CTNNAL1: variants seen among roughly 807,000 people sequenced by gnomAD.
CTNNAL1 encodes alpha-catulin.
A neutral mutation model predicts 93.6 loss-of-function variants in CTNNAL1; 69 were observed. That is an observed-to-expected ratio of 0.74 (90% confidence interval 0.61 to 0.90). The LOEUF (loss-of-function observed/expected upper bound fraction) is 0.90. Ranked by LOEUF, CTNNAL1 falls within the 40% of genes least tolerant of loss-of-function variation. The pLI is 0.00. For missense variants in CTNNAL1, 836 were observed against 862.0 expected, an observed-to-expected ratio of 0.97 and a Z score of 0.38; for synonymous variants, 286 against 305.4, an observed-to-expected ratio of 0.94 and a Z score of 0.66.
chr9:108,965,416 A>G lies in CTNNAL1; in HGVS notation c.1553T>C (p.Leu518Pro), dbSNP rs998565298. 1.3e-6 allele frequency: 2 copies of G among 1,576,476 alleles called. No individual in the cohort carries two copies. Among genetic ancestry groups the G allele is most frequent in the East Asian group, 2.3e-5 (1 of 42,842 alleles). ...AAACACGTCATTGATTTCTCTCAGC[A>G]GTGTTGACATGTCACTAATTTGGGA... The part of the protein sequence containing the change: ...WESQISDMST[L>P]LREINDVFEG... The change falls in exon 11 of 19, where the codon CTG becomes CCG. Residue 518 changes from leucine (L) to proline (P), a missense_variant. Transcript: ENST00000325551.
At chr9:108,977,865 G>T (rs887755223) in intron 7 of CTNNAL1, among the ~76,000 whole-genome samples, 24 of 152,060 alleles carry the variant, frequency 1.6e-4, no homozygotes, top group East Asian at 5.8e-4. Flanking sequence ...ATTTGTACTT[G>T]TCTCACCCCT....
intron 1 of CTNNAL1, among the ~76,000 whole-genome samples, chr9:109,008,986 C>T (rs1055242524): frequency 4.7e-5 from 7 of 149,912 alleles, no homozygotes; most frequent in Non-Finnish European, 1.0e-4. Flanking sequence ...GCTTAACCTC[C>T]CCAGCTCAAG....
At chr9:108,973,899 G>C in intron 8 of CTNNAL1, among the ~76,000 whole-genome samples, 1 of 152,036 alleles carries the variant, frequency 6.6e-6, no homozygotes. Flanking sequence ...AACTAAGTGA[G>C]AATAATTACA....
At chr9:108,967,910 TA>T (rs1831006268) in intron 10 of CTNNAL1, among the ~76,000 whole-genome samples, 1 of 152,222 alleles carries the variant, frequency 6.6e-6, no homozygotes, top group Admixed American at 6.5e-5. Flanking sequence ...AATATATTAA[TA>T]GTTGGTACCT....
chr9:109,001,707 G>T (rs746506164), intron 1 of CTNNAL1, among the ~76,000 whole-genome samples: 1 of 152,200 alleles, frequency 6.6e-6, no homozygotes, highest in Non-Finnish European at 1.5e-5. Context: ...ACAGCTGAGT[G>T]AGTGAACTTG....
chr9:108,999,639 A>G (rs1826719184), intron 1 of CTNNAL1, among the ~76,000 whole-genome samples: 2 of 152,232 alleles, frequency 1.3e-5, no homozygotes, highest in African/African-American at 2.4e-5. Flanking sequence ...CTATGAGAGT[A>G]GAAACAGCTC....
At chr9:108,962,701 G>A (rs2132114064) in intron 11 of CTNNAL1, among the ~76,000 whole-genome samples, 1 of 152,262 alleles carries the variant, frequency 6.6e-6, no homozygotes, top group East Asian at 1.9e-4. Context: ...TGGACCTAAT[G>A]TTTTCTCATA....
At chr9:108,982,303 A>G (rs1831455514) in intron 6 of CTNNAL1, among the ~76,000 whole-genome samples, 2 of 152,246 alleles carry the variant, frequency 1.3e-5, no homozygotes, top group African/African-American at 4.8e-5. Context: ...TGAGGATTAT[A>G]TAAGTTCATA....
intron 2 of CTNNAL1, among the ~76,000 whole-genome samples, chr9:108,996,202 G>A (rs10979646): frequency 0.17 from 25,086 of 151,812 alleles, 2,506 homozygotes; most frequent in African/African-American, 0.28. Context: ...CAGCTCAAGC[G>A]ATCCACCCGC....
chr9:108,972,864 G>GGGGCCCCCCCCCCCCCCCC, intron 8 of CTNNAL1, 31 bp from the exon 9 acceptor site: 4 of 142,572 alleles, frequency 2.8e-5, no homozygotes, highest in Non-Finnish European at 3.0e-5. Flanking sequence ...GGGGGGGTGG[G>GGGGCCCCCCCCCCCCCCCC]AGGGTGGAGA....
At chr9:108,951,645 G>GAA (rs1298618077) in intron 14 of CTNNAL1, among the ~76,000 whole-genome samples, 2 of 152,134 alleles carry the variant, frequency 1.3e-5, no homozygotes, top group Non-Finnish European at 2.9e-5. Context: ...TACTAAAATG[G>GAA]AAGACTGAAA....
chr9:108,983,613 T>C (rs1235390468), intron 5 of CTNNAL1, among the ~76,000 whole-genome samples: 1 of 152,206 alleles, frequency 6.6e-6, no homozygotes, highest in Non-Finnish European at 1.5e-5. Flanking sequence ...TTTTAAATGT[T>C]GCCTTACACA....
In CTNNAL1 at chr9:108,983,910, T is replaced by C. The variant is rs185455637; in HGVS notation, c.729+437A>G. On this transcript the variant is annotated intron_variant, in intron 5 of 18. Transcript: ENST00000325551. ...ACTGCTGTTTGGAAATACTCTTGAT[T>C]GATAATTTTGTTAAAAGTGGAAACA... 6.6e-5 allele frequency among the ~76,000 whole-genome samples: 10 copies of C among 152,358 alleles called. No individual in the cohort carries two copies. The East Asian group carries it at 1.5e-3, about 23-fold the overall frequency.
At chr9:108,969,146 T>C (rs1428336702) in intron 10 of CTNNAL1, among the ~76,000 whole-genome samples, 2 of 151,942 alleles carry the variant, frequency 1.3e-5, no homozygotes, top group Non-Finnish European at 1.5e-5. Flanking sequence ...GGCATATGCC[T>C]GTAATCCCAG....
At chr9:109,011,147 A>C (rs139462784) in intron 1 of CTNNAL1, among the ~76,000 whole-genome samples, 98 of 152,340 alleles carry the variant, frequency 6.4e-4, no homozygotes, top group African/African-American at 2.3e-3. Context: ...TAATCTCCTA[A>C]CACTGAAACT....
intron 15 of CTNNAL1, among the ~76,000 whole-genome samples, chr9:108,946,075 C>T (rs1314869129): frequency 2.0e-5 from 3 of 151,758 alleles, no homozygotes; most frequent in South Asian, 4.2e-4. Context: ...CTGAGGCGGG[C>T]GAATCACAAG....
At chr9:108,960,593 ATAG>A (rs1164591545) in intron 11 of CTNNAL1, among the ~76,000 whole-genome samples, 1 of 152,226 alleles carries the variant, frequency 6.6e-6, no homozygotes, top group Non-Finnish European at 1.5e-5. Flanking sequence ...ACTGCCCTAC[ATAG>A]TTTAGTTAGA....
intron 2 of CTNNAL1, among the ~76,000 whole-genome samples, chr9:108,997,591 C>T (rs1306608132): frequency 1.3e-5 from 2 of 152,178 alleles, no homozygotes; most frequent in Non-Finnish European, 2.9e-5. Flanking sequence ...TTGTCCACCC[C>T]TCTACATTTA....
chr9:108,984,554 A>C (rs1831542836), intron 4 of CTNNAL1, 118 bp from the exon 5 acceptor site: 3 of 569,896 alleles, frequency 5.3e-6, no homozygotes, highest in Non-Finnish European at 6.1e-6. Flanking sequence ...AAGTGAAAAA[A>C]AAAAAAAAAC....
Sources: allele counts gnomAD v4.1 joint callset (sites outside exome capture counted in the v4.1 genomes callset), GRCh38; gene constraint gnomAD v4.1.1; transcripts MANE v1.5; gene names NCBI Gene and HGNC (gene_info 2026-07-23, HGNC 2026-07-21).